Variants in LIPI observed in about 807,000 individuals in gnomAD.
LIPI encodes lipase I, also known as lipase member I.
A neutral mutation model predicts 50.6 loss-of-function variants in LIPI; 59 were observed. That is an observed-to-expected ratio of 1.16 (90% CI 0.94 to 1.45). LIPI has a LOEUF of 1.45. Among genes scored for constraint, LIPI ranks in the 40% most tolerant of loss-of-function variants. LIPI has a pLI of 0.00. For synonymous variants in LIPI, 203 were observed against 178.2 expected, an observed-to-expected ratio of 1.14 and a Z score of -1.11; for missense variants, 586 against 536.3, an observed-to-expected ratio of 1.09 and a Z score of -0.92.
rs756635758 is a variant in LIPI, at chr21:14,165,270, A to C, written c.854T>G (p.Leu285Ter). ...CTTAAAACAGTCACAGTCCACACAT[A>C]AGCTAGTCTTGTAATCTTTGTATGA... is the stretch of plus-strand genomic sequence containing the variant. ...CRSYKDYKTS[L>*]CVDCDCFKEK... Residue 285 changes from leucine to a stop codon, truncating the protein, a stop_gained, in exon 6 of 10, where the codon TTA (leucine) becomes TGA (stop). Transcript: ENST00000681601. LOFTEE classifies it high-confidence loss of function. The C allele has an allele frequency of 3.1e-6, 5 of 1,612,968 alleles. No individual in the cohort carries two copies. Among genetic ancestry groups the C allele is most frequent in the South Asian group, 2.2e-5 (2 of 91,056 alleles).
chr21:14,210,782 T>G lies in LIPI; in HGVS notation c.46+18A>C. 1.9e-6 allele frequency: 2 copies of G among 1,037,366 alleles called. No individual in the cohort carries two copies. The highest frequency in any genetic ancestry group is 2.5e-6 in the Non-Finnish European group (2 of 797,264). The allele number at this position is 1,037,366 out of a possible 1,614,324, so 64.3% of individuals were successfully genotyped here. The stretch of plus-strand genomic sequence containing the variant: ...TGCAATTTTTAAAGATAAATCAAAT[T>G]ATTAATTAATATCTTACCAGATCTC... On this transcript the variant is annotated intron_variant, in intron 1 of 9. Transcript: ENST00000681601.
At chr21:14,203,162 A>G (rs1325155643) in intron 1 of LIPI, among the ~76,000 whole-genome samples, 6 of 152,188 alleles carry the variant, frequency 3.9e-5, no homozygotes, top group Admixed American at 2.6e-4. Flanking sequence ...TAGAATGGTG[A>G]TCATTAAAAA....
intron 9 of LIPI, among the ~76,000 whole-genome samples, chr21:14,117,866 G>A (rs984418336): frequency 2.0e-5 from 3 of 152,060 alleles, no homozygotes; most frequent in Admixed American, 6.6e-5. Flanking sequence ...GCCAAGCGTA[G>A]AGTGAAGGAA....
intron 4 of LIPI, among the ~76,000 whole-genome samples, chr21:14,180,870 A>C (rs979626364): frequency 2.6e-5 from 4 of 152,150 alleles, no homozygotes; most frequent in Non-Finnish European, 4.4e-5. Flanking sequence ...CCACAAGATA[A>C]ATTCAGAGGA....
chr21:14,189,219 A>G lies in LIPI; in HGVS notation c.247T>C (p.Tyr83His). Residue 83 changes from tyrosine to histidine, a missense_variant, in exon 2 of 10, where the codon TAC (tyrosine) becomes CAC (histidine). Transcript: ENST00000681601. ...QKKTVWLIHG[Y>H]RPVGSIPLWL... ...AATGGGATGGAGCCTACTGGTCTGTATCCGTGAATAAGCCAGACTGTTTTC... is the reference window on the plus strand; with the variant it reads ...AATGGGATGGAGCCTACTGGTCTGTGTCCGTGAATAAGCCAGACTGTTTTC... 6.2e-7 allele frequency: 1 copy of G among 1,614,044 alleles called. No homozygotes were observed. The highest frequency in any genetic ancestry group is 8.5e-7 in the Non-Finnish European group (1 of 1,179,892).
At chr21:14,119,863 G>A (rs1396631343) in intron 9 of LIPI, among the ~76,000 whole-genome samples, 2 of 152,166 alleles carry the variant, frequency 1.3e-5, no homozygotes, top group African/African-American at 4.8e-5. Flanking sequence ...CTTGTTAGCC[G>A]AGGATGCTAA....
At chr21:14,183,024 C>T (rs2019326651) in intron 3 of LIPI, among the ~76,000 whole-genome samples, 1 of 152,092 alleles carries the variant, frequency 6.6e-6, no homozygotes. Context: ...CAAGTCAATC[C>T]TAAGCCAAAA....
At chr21:14,149,605 CAA>C (rs1168264650) in intron 8 of LIPI, among the ~76,000 whole-genome samples, 1 of 152,146 alleles carries the variant, frequency 6.6e-6, no homozygotes, top group Non-Finnish European at 1.5e-5. Context: ...AAATCAAAAG[CAA>C]GTTAGTTACT....
chr21:14,114,039 G>A (rs972685553), intron 9 of LIPI, among the ~76,000 whole-genome samples: 2 of 152,146 alleles, frequency 1.3e-5, no homozygotes, highest in Admixed American at 6.5e-5. Context: ...TTAGCCAGGC[G>A]TGGTGGCATG....
chr21:14,208,022 A>G (rs2020272012), intron 1 of LIPI, among the ~76,000 whole-genome samples: 1 of 152,234 alleles, frequency 6.6e-6, no homozygotes, highest in African/African-American at 2.4e-5. Flanking sequence ...CCTTGTTTAA[A>G]GAGATTTTGG....
At chr21:14,185,882 C>CAAAA (rs200600449) in intron 3 of LIPI, 79 bp downstream of exon 3, 4,192 of 717,644 alleles carry the variant, frequency 5.8e-3, no homozygotes, top group East Asian at 9.3e-3. Flanking sequence ...GACTCTGTCT[C>CAAAA]AAAAAAAAAA....
At chr21:14,184,022 C>A (rs1294433270) in intron 3 of LIPI, among the ~76,000 whole-genome samples, 3 of 152,120 alleles carry the variant, frequency 2.0e-5, no homozygotes, top group Admixed American at 6.5e-5. Context: ...AAGACACATG[C>A]ACATGTATGT....
At chr21:14,169,929 G>A (rs1304474306) in intron 4 of LIPI, among the ~76,000 whole-genome samples, 1 of 152,012 alleles carries the variant, frequency 6.6e-6, no homozygotes, top group Non-Finnish European at 1.5e-5. Flanking sequence ...CCAGGAGCTG[G>A]TTTTTTGAAA....
At chr21:14,175,263 C>T (rs947139944) in intron 4 of LIPI, among the ~76,000 whole-genome samples, 17 of 152,082 alleles carry the variant, frequency 1.1e-4, no homozygotes, top group Admixed American at 9.2e-4. Context: ...ATAGTTGTAG[C>T]GTATCTTTGC....
At chr21:14,112,916 C>A (rs1254693677) in intron 9 of LIPI, among the ~76,000 whole-genome samples, 1 of 152,088 alleles carries the variant, frequency 6.6e-6, no homozygotes, top group African/African-American at 2.4e-5. Flanking sequence ...AGCAATAACA[C>A]AGGGAAAAGA....
At chr21:14,176,721 C>CTT (rs71183410) in intron 4 of LIPI, among the ~76,000 whole-genome samples, 19,349 of 133,210 alleles carry the variant, frequency 0.15, 1,720 homozygotes, top group Non-Finnish European at 0.21. Flanking sequence ...GCTTTCAATT[C>CTT]TTTTTTTTTT....
intron 4 of LIPI, among the ~76,000 whole-genome samples, chr21:14,172,147 C>T (rs1464116159): frequency 1.3e-5 from 2 of 151,826 alleles, no homozygotes; most frequent in African/African-American, 4.8e-5. Flanking sequence ...CAGAGAAATG[C>T]AAATCAAAAC....
intron 9 of LIPI, among the ~76,000 whole-genome samples, chr21:14,114,137 C>T (rs1424550893): frequency 6.6e-6 from 1 of 151,064 alleles, no homozygotes. Flanking sequence ...AAGATCATGC[C>T]ACTGCACTCC....
intron 1 of LIPI, 121 bp downstream of exon 1, chr21:14,210,679 T>C (rs1055413959): frequency 1.1e-5 from 3 of 265,946 alleles, no homozygotes; most frequent in African/African-American, 6.9e-5. Context: ...TTATAATTAG[T>C]ACCAATAATC....
Sources: gnomAD v4.1 joint callset for allele counts (sites outside exome capture counted in the v4.1 genomes callset) on GRCh38, gnomAD v4.1.1 for gene constraint, MANE v1.5 for transcripts, NCBI Gene and HGNC (gene_info 2026-07-23, HGNC 2026-07-21) for gene names.